LAX1: variants seen among roughly 807,000 people sequenced by gnomAD.
LAX1 encodes lymphocyte transmembrane adaptor 1.
A neutral mutation model predicts 20.7 loss-of-function variants in LAX1; 17 were observed. That is an observed-to-expected ratio of 0.82 (90% CI 0.56 to 1.23). The LOEUF (loss-of-function observed/expected upper bound fraction) is 1.23, where lower values mean the gene tolerates loss of function less well. Among genes scored for constraint, LAX1 ranks in the 50% most tolerant of loss-of-function variants. LAX1 has a pLI of 0.00. For missense variants in LAX1, 470 were observed against 487.0 expected, an observed-to-expected ratio of 0.97 and a Z score of 0.33; for synonymous variants, 165 against 181.0, an observed-to-expected ratio of 0.91 and a Z score of 0.71.
At chr1:203,770,569 G>GAA (rs749562137) in intron 1 of LAX1, among the ~76,000 whole-genome samples, 12 of 151,138 alleles carry the variant, frequency 7.9e-5, no homozygotes, top group South Asian at 2.1e-4. Flanking sequence ...AAGAAAGAAA[G>GAA]AGATTAATAA....
In LAX1 at chr1:203,765,360, G is replaced by A; in HGVS notation, c.-206G>A. 1.9e-6 allele frequency: 3 copies of A among 1,551,730 alleles called. No individual in the cohort carries two copies. The highest frequency in any genetic ancestry group is 2.6e-6 in the Non-Finnish European group (3 of 1,147,002). On this transcript the variant is annotated 5_prime_UTR_variant, in exon 1 of 5. Coordinates refer to ENST00000442561, the MANE Select transcript of LAX1 (RefSeq NM_017773.4). ...ATGTCCGGATGAGATCGCACTTCCT[G>A]CAGTGGGCATTAGCCACGTCCAGGT...
At chr1:203,767,199 C>A (rs1161253420) in intron 1 of LAX1, among the ~76,000 whole-genome samples, 2 of 150,396 alleles carry the variant, frequency 1.3e-5, no homozygotes, top group Admixed American at 1.3e-4. Flanking sequence ...TCATGTTATA[C>A]AACAGATCCC....
At chr1:203,770,509 G>A (rs1341786166) in intron 1 of LAX1, among the ~76,000 whole-genome samples, 41 of 83,528 alleles carry the variant, frequency 4.9e-4, no homozygotes, top group Middle Eastern at 5.2e-3. Context: ...AAGGAAGGAA[G>A]GAAGAAAGAA....
In LAX1 at chr1:203,770,866, C is replaced by G. The variant is rs778286533; in HGVS notation, c.128C>G (p.Ala43Gly). The G allele has an allele frequency of 1.2e-6, 2 of 1,614,104 alleles. No individual in the cohort carries two copies. The highest frequency in any genetic ancestry group is 1.7e-6 in the Non-Finnish European group (2 of 1,179,952). ...DQITNIFSGF[A>G]GLLAILLVVA... is the part of the protein sequence containing the mutation. ...ATCACCAACATCTTTTCCGGGTTTG[C>G]GGGACTCCTCGCCATCCTCCTGGTC... Residue 43 changes from alanine to glycine, a missense_variant, in exon 2 of 5, where the codon GCG (alanine) becomes GGG (glycine). By Grantham distance (60) the Ala-to-Gly change is moderately conservative (BLOSUM62 0). Transcript: ENST00000442561.
Position 203,770,918 on chromosome 1 carries a change from T to C in LAX1, c.180T>C (p.Asn60=). ...TTGCGGTTTTCTGCATCTTGTGGAA[T>C]TGGAATAAACGGAAGAAGCGTGAGT... ...LVVAVFCILW[N]WNKRKKRQVP... is the part of the protein sequence containing the mutation. The change falls in exon 2 of 5, where the codon AAT becomes AAC. Residue 60 remains asparagine (N), a synonymous_variant. Coordinates refer to ENST00000442561, the MANE Select transcript of LAX1 (RefSeq NM_017773.4). 1.2e-6 allele frequency: 2 copies of C among 1,613,852 alleles called. No individual in the cohort carries two copies. Among genetic ancestry groups the C allele is most frequent in the East Asian group, 2.2e-5 (1 of 44,882 alleles).
rs61734426 is a variant in LAX1, at chr1:203,773,875, C to G, written c.391C>G (p.Pro131Ala). The G allele has an allele frequency of 6.2e-7, 1 of 1,602,462 alleles. No individual in the cohort carries two copies. The highest frequency in any genetic ancestry group is 8.5e-7 in the Non-Finnish European group (1 of 1,173,610). Reference protein sequence around the residue: ...SRNSESPEHVPSQAGNAFQEH... With the variant: ...SRNSESPEHVASQAGNAFQEH... ...ACTGGCTTCCTTTTCTTCTTCATAG[C>G]CCTCCCAAGCAGGCAATGCCTTCCA... The change falls in exon 5 of 5, where the codon CCC becomes GCC. Residue 131 changes from proline (P) to alanine (A), a missense_variant and splice_region_variant. Transcript: ENST00000442561.
chr1:203,767,455 G>A (rs929328139), intron 1 of LAX1, among the ~76,000 whole-genome samples: 2 of 151,102 alleles, frequency 1.3e-5, no homozygotes, highest in Non-Finnish European at 2.9e-5. Context: ...TTACAGGCAT[G>A]AGCCACCATG....
intron 1 of LAX1, among the ~76,000 whole-genome samples, chr1:203,766,728 G>A (rs1667309543): frequency 6.6e-6 from 1 of 152,110 alleles, no homozygotes; most frequent in Admixed American, 6.6e-5. Flanking sequence ...AACTAATTAA[G>A]ATACACATTA....
intron 1 of LAX1, among the ~76,000 whole-genome samples, chr1:203,770,463 A>G (rs1181721501): frequency 4.4e-4 from 5 of 11,430 alleles, no homozygotes; most frequent in Non-Finnish European, 1.5e-3. Context: ...GAAAGGAAGG[A>G]AGGAAGGAAG....
chr1:203,769,433 G>GAAAC (rs748060977), intron 1 of LAX1, among the ~76,000 whole-genome samples: 1 of 100,178 alleles, frequency 1.0e-5, no homozygotes, highest in African/African-American at 3.2e-5. Context: ...AAGAAAGAAA[G>GAAAC]AAAGAAAGAA....
At position 203,774,153 on chromosome 1, in the gene LAX1, G is replaced by A; in HGVS notation, c.669G>A (p.Gln223=). ...ATCTCTTTGTTCTTCCCAGTACCCA[G>A]AAGCTGGAGTTTACTGAGGAAAGAG... The part of the protein sequence containing the change: ...SRNLFVLPST[Q]KLEFTEERDE... The change falls in exon 5 of 5, where the codon CAG becomes CAA. Residue 223 remains glutamine, a synonymous_variant. Coordinates refer to ENST00000442561, the MANE Select transcript of LAX1 (RefSeq NM_017773.4). 6.2e-7 allele frequency: 1 copy of A among 1,614,190 alleles called. No individual in the cohort carries two copies. The highest frequency in any genetic ancestry group is 8.5e-7 in the Non-Finnish European group (1 of 1,180,040).
chr1:203,770,533 G>GAAAGAAAGAA (rs1667400683), intron 1 of LAX1, among the ~76,000 whole-genome samples: 1 of 137,958 alleles, frequency 7.2e-6, no homozygotes, highest in Admixed American at 8.3e-5. Flanking sequence ...AAGAAAGAAA[G>GAAAGAAAGAA]AAAGAAAGAA....
rs541700542 is a variant in LAX1 at position 203,765,783 on chromosome 1, C to T, written c.89+129C>T. ...ACCCAGGCTCGGTCTACTAAACCAC[C>T]AAACTCTAGGCTTGGAGGCATTTGC... is the stretch of plus-strand genomic sequence containing the variant. On this transcript the variant is annotated intron_variant, in intron 1 of 4. Coordinates refer to ENST00000442561, the MANE Select transcript of LAX1 (RefSeq NM_017773.4). 1.8e-5 allele frequency: 15 copies of T among 833,560 alleles called. No homozygotes were observed. The South Asian group carries it at 2.0e-4, about 11-fold the overall frequency. 51.6% of individuals were successfully genotyped at this position (833,560 alleles called of 1,614,324 possible).
At chr1:203,771,523 T>A in intron 3 of LAX1, 46 bp downstream of exon 3, 1 of 1,165,968 alleles carries the variant, frequency 8.6e-7, no homozygotes, top group Non-Finnish European at 1.3e-6. Flanking sequence ...TTCGAACTTC[T>A]ACTCCCAGAA....
chr1:203,771,489 C>T lies in LAX1; in HGVS notation c.310+12C>T, dbSNP rs1354608699. On this transcript the variant is annotated intron_variant, in intron 3 of 4. Coordinates refer to ENST00000442561, the MANE Select transcript of LAX1 (RefSeq NM_017773.4). The stretch of plus-strand genomic sequence containing the variant: ...ACAGGAAGACCTGGGTAGGTTTTTC[C>T]TTCTAATCTATGGAGTCCAGATATT... 1 of 1,473,512 alleles carries T rather than the reference C, an allele frequency of 6.8e-7. No homozygotes were observed. The highest frequency in any genetic ancestry group is 9.5e-7 in the Non-Finnish European group (1 of 1,051,584). The allele number at this position is 1,473,512 out of a possible 1,614,324, so 91.3% of individuals were successfully genotyped here.
rs143738222 is a variant in LAX1, at chr1:203,768,758, G to A, written c.90-2070G>A. Among the ~76,000 whole-genome samples the A allele has an allele frequency of 3.7e-3, 565 of 152,314 alleles. 6 individuals carry two copies. Among genetic ancestry groups the A allele is most frequent in the African/African-American group, 0.013 (521 of 41,564 alleles). On this transcript the variant is annotated intron_variant, in intron 1 of 4. Transcript: ENST00000442561. ...ACACTGGTTTTTGTGTGAAGACAAC[G>A]AATGTTGAGGCCAAGAGTTAAAGCA...
intron 2 of LAX1, 105 bp from the exon 3 acceptor site, chr1:203,771,262 G>T: frequency 2.5e-6 from 2 of 798,522 alleles, no homozygotes; most frequent in Admixed American, 3.7e-5. Context: ...TGTGAGAACT[G>T]GCAAGGATGG....
chr1:203,769,738 G>A (rs1215089644), intron 1 of LAX1: 1 of 144,408 alleles, frequency 6.9e-6, no homozygotes, highest in African/African-American at 2.6e-5. Context: ...CACAACAGCA[G>A]TGTGTTGCTT....
chr1:203,776,200 T>G lies in LAX1; in HGVS notation c.*1519T>G, dbSNP rs1424672198. The G allele has an allele frequency of 6.6e-6, 1 of 152,078 alleles. No homozygotes were observed. The highest frequency in any genetic ancestry group is 1.5e-5 in the Non-Finnish European group (1 of 68,034). The allele number at this position is 152,078 out of a possible 1,614,324, so 9.4% of individuals were successfully genotyped here. A position where few individuals can be genotyped will look rare whatever the true frequency, so the allele number is the denominator to read the frequency against. On this transcript the variant is annotated 3_prime_UTR_variant, in exon 5 of 5. Coordinates refer to ENST00000442561, the MANE Select transcript of LAX1 (RefSeq NM_017773.4). ...TCTCTAATTTGTAATTTGTAAACCCTGTCTCTCATATTTGTAAAACTACAA... is the reference window on the plus strand; with the variant it reads ...TCTCTAATTTGTAATTTGTAAACCCGGTCTCTCATATTTGTAAAACTACAA...
Sources: allele counts gnomAD v4.1 joint callset (sites outside exome capture counted in the v4.1 genomes callset), GRCh38; gene constraint gnomAD v4.1.1; transcripts MANE v1.5; gene names NCBI Gene and HGNC (gene_info 2026-07-23, HGNC 2026-07-21).